BMP2K: variants seen among roughly 807,000 people sequenced by gnomAD.
BMP2K encodes BMP2 inducible kinase.
In BMP2K, 74 loss-of-function variants were observed where a neutral mutation model predicts 116.0. That is an observed-to-expected ratio of 0.64 (90% CI 0.53 to 0.77). The LOEUF (loss-of-function observed/expected upper bound fraction) is 0.77. Among genes scored for constraint, BMP2K ranks in the 30% least tolerant of loss-of-function variants. The probability of loss-of-function intolerance (pLI) is 0.00; values close to 1 mark genes in which losing one functional copy is unlikely to be tolerated. For missense variants in BMP2K, 1,365 were observed against 1,403.6 expected, an observed-to-expected ratio of 0.97 and a Z score of 0.44; for synonymous variants, 486 against 502.5, an observed-to-expected ratio of 0.97 and a Z score of 0.44.
intron 1 of BMP2K, among the ~76,000 whole-genome samples, chr4:78,791,897 A>G (rs1033844633): frequency 3.9e-5 from 6 of 152,218 alleles, no homozygotes; most frequent in Admixed American, 3.9e-4. Context: ...ATGCTGCTGT[A>G]CATATGGTGT....
chr4:78,830,050 T>C (rs998823842), intron 2 of BMP2K, among the ~76,000 whole-genome samples: 2 of 152,002 alleles, frequency 1.3e-5, no homozygotes, highest in African/African-American at 4.8e-5. Flanking sequence ...AATTTTTTTG[T>C]ATTTTTAGTA....
At chr4:78,818,377 C>T (rs56740565) in intron 1 of BMP2K, among the ~76,000 whole-genome samples, 433 of 152,336 alleles carry the variant, frequency 2.8e-3, no homozygotes, top group African/African-American at 9.2e-3. Context: ...TACACTCCCA[C>T]CAAAAGTGTA....
chr4:78,795,162 T>C (rs1021586282), intron 1 of BMP2K, among the ~76,000 whole-genome samples: 1 of 152,260 alleles, frequency 6.6e-6, no homozygotes, highest in Non-Finnish European at 1.5e-5. Flanking sequence ...TTTGCTCACA[T>C]TTATCGCAGT....
intron 3 of BMP2K, among the ~76,000 whole-genome samples, chr4:78,838,257 C>T (rs1379424834): frequency 6.6e-6 from 1 of 152,222 alleles, no homozygotes; most frequent in Non-Finnish European, 1.5e-5. Flanking sequence ...CCCCATGTTT[C>T]AGCTACCTCC....
In BMP2K at chr4:78,861,396, C is replaced by G. The variant is rs930544200; in HGVS notation, c.995C>G (p.Ser332Cys). The G allele has an allele frequency of 2.5e-6, 4 of 1,596,452 alleles. No individual in the cohort carries two copies. Among genetic ancestry groups the G allele is most frequent in the Non-Finnish European group, 3.4e-6 (4 of 1,172,146 alleles). The change falls in exon 9 of 16, where the codon TCT (serine) becomes TGT (cysteine). Residue 332 changes from serine (S) to cysteine (C), a missense_variant. Ser to Cys is a moderately radical substitution (Grantham distance 112). This residue lies in a region of BMP2K where 762 missense variants were observed against 756.7 expected (regional missense o/e 1.01). Transcript: ENST00000502613. ...TATTTTTTTTCTTCCAAGAATTCTT[C>G]TATTCCTTCAGCTCTTCCTGAACCG... is the stretch of plus-strand genomic sequence containing the variant. ...DCPVSNINNSSIPSALPEPMT... is the reference protein window; with the variant it reads ...DCPVSNINNSCIPSALPEPMT...
In BMP2K at chr4:78,887,164, AT is replaced by A; in HGVS notation, c.1952-5del. 2 of 1,543,336 alleles carry A rather than the reference AT, an allele frequency of 1.3e-6. No individual in the cohort carries two copies. Among genetic ancestry groups the A allele is most frequent in the African/African-American group, 2.7e-5 (2 of 73,144 alleles). On this transcript the variant is annotated splice_polypyrimidine_tract_variant and intron_variant, in intron 14 of 15. Transcript: ENST00000502613. The stretch of plus-strand genomic sequence containing the variant: ...TTCATTTTTTATTTCGTTTCATCTT[AT>A]TTTTGCAGATAGGCTCGAGGAGAGA...
chr4:78,787,110 T>C (rs1727767449), intron 1 of BMP2K, among the ~76,000 whole-genome samples: 1 of 152,180 alleles, frequency 6.6e-6, no homozygotes, highest in Non-Finnish European at 1.5e-5. Flanking sequence ...TGAGTACCTC[T>C]GTAAGAGGTT....
At chr4:78,807,073 A>G (rs1476141759) in intron 1 of BMP2K, among the ~76,000 whole-genome samples, 1 of 151,750 alleles carries the variant, frequency 6.6e-6, no homozygotes, top group Non-Finnish European at 1.5e-5. Flanking sequence ...GCTGGTCTTG[A>G]ACTCCTGACC....
intron 15 of BMP2K, among the ~76,000 whole-genome samples, chr4:78,903,108 T>C (rs1460276724): frequency 6.6e-6 from 1 of 152,046 alleles, no homozygotes; most frequent in African/African-American, 2.4e-5. Flanking sequence ...TTGTATTGTA[T>C]TGTATGCCAT....
chr4:78,816,174 T>C (rs1413169519), intron 1 of BMP2K, among the ~76,000 whole-genome samples: 1 of 152,196 alleles, frequency 6.6e-6, no homozygotes, highest in East Asian at 1.9e-4. Context: ...AACGTGAAGT[T>C]AAACCTTAAG....
At chr4:78,850,632 C>T (rs1199250836) in intron 6 of BMP2K, among the ~76,000 whole-genome samples, 1 of 151,768 alleles carries the variant, frequency 6.6e-6, no homozygotes, top group Non-Finnish European at 1.5e-5. Context: ...TATATATTTT[C>T]CTTGTGGAAG....
intron 2 of BMP2K, among the ~76,000 whole-genome samples, chr4:78,828,201 C>T (rs1241776728): frequency 6.6e-6 from 1 of 152,210 alleles, no homozygotes; most frequent in Non-Finnish European, 1.5e-5. Flanking sequence ...TTGCAGTTCC[C>T]ACCACCTGCT....
chr4:78,887,285 G>T lies in BMP2K; in HGVS notation c.2062+1G>T, dbSNP rs181192715. The T allele has an allele frequency of 8.8e-6, 14 of 1,591,674 alleles. No homozygotes were observed. Among genetic ancestry groups the T allele is most frequent in the African/African-American group, 5.4e-5 (4 of 74,582 alleles). On this transcript the variant is annotated splice_donor_variant, in intron 15 of 15. Transcript: ENST00000502613. LOFTEE classifies it high-confidence loss of function. The stretch of plus-strand genomic sequence containing the variant: ...TCTGTTCCTTTCATTTCTCATTCAG[G>T]CAAGTTACACATGTAACATCATCAC...
At chr4:78,852,150 T>C (rs1371906861) in intron 7 of BMP2K, among the ~76,000 whole-genome samples, 4 of 152,082 alleles carry the variant, frequency 2.6e-5, no homozygotes, top group African/African-American at 9.7e-5. Flanking sequence ...GTTTTTCTTT[T>C]TTTCTCTGTG....
chr4:78,818,899 C>T (rs906111023), intron 1 of BMP2K, among the ~76,000 whole-genome samples: 5 of 150,708 alleles, frequency 3.3e-5, no homozygotes, highest in Non-Finnish European at 5.9e-5. Flanking sequence ...TAGGATCAAG[C>T]GATTCTTGTG....
chr4:78,798,614 A>AC (rs1347794208), intron 1 of BMP2K, among the ~76,000 whole-genome samples: 1 of 152,246 alleles, frequency 6.6e-6, no homozygotes, highest in Non-Finnish European at 1.5e-5. Flanking sequence ...GGAAACTCCA[A>AC]CGGATACTTG....
chr4:78,880,287 G>A (rs1276005179), intron 14 of BMP2K, among the ~76,000 whole-genome samples: 1 of 152,140 alleles, frequency 6.6e-6, no homozygotes. Flanking sequence ...GGTCAGGCTG[G>A]TCTCAAACTC....
intron 1 of BMP2K, among the ~76,000 whole-genome samples, chr4:78,782,153 C>G (rs1212995118): frequency 2.0e-5 from 3 of 152,244 alleles, no homozygotes; most frequent in Non-Finnish European, 4.4e-5. Flanking sequence ...GCCTAGCACT[C>G]TGCCTTTGTC....
intron 1 of BMP2K, among the ~76,000 whole-genome samples, chr4:78,782,966 T>G (rs1387824305): frequency 6.6e-6 from 1 of 152,204 alleles, no homozygotes; most frequent in African/African-American, 2.4e-5. Context: ...TTATGAAGAT[T>G]AGAGAAGATA....
Sources: allele counts gnomAD v4.1 joint callset (sites outside exome capture counted in the v4.1 genomes callset), GRCh38; gene constraint gnomAD v4.1.1; regional missense constraint gnomAD v4.1.1; transcripts MANE v1.5; gene names NCBI Gene and HGNC (gene_info 2026-07-23, HGNC 2026-07-21).